Variants in HECW1 observed in about 807,000 individuals in gnomAD.
HECW1 encodes HECT, C2 and WW domain containing E3 ubiquitin protein ligase 1.
HECW1 carries 61 observed loss-of-function variants against 182.3 expected under a neutral mutation model. The observed-to-expected ratio is 0.33, with a 90% CI of 0.27 to 0.41. HECW1 has a LOEUF of 0.41. HECW1 is among the 10% of genes least tolerant of loss of function. HECW1 has a pLI of 1.00. For synonymous variants in HECW1, 859 were observed against 832.6 expected, an observed-to-expected ratio of 1.03 and a Z score of -0.55; for missense variants, 1,739 against 2,108.9, an observed-to-expected ratio of 0.82 and a Z score of 3.44.
At chr7:43,487,517 G>A (rs1379745378) in intron 17 of HECW1, among the ~76,000 whole-genome samples, 4 of 152,132 alleles carry the variant, frequency 2.6e-5, no homozygotes, top group East Asian at 3.8e-4. Context: ...CTCTCCCCTC[G>A]CTCACCCCTT....
intron 2 of HECW1, among the ~76,000 whole-genome samples, chr7:43,174,344 A>G (rs763783172): frequency 6.6e-6 from 1 of 152,192 alleles, no homozygotes; most frequent in Non-Finnish European, 1.5e-5. Flanking sequence ...GGTCATACAT[A>G]GTGGGTCTCA....
chr7:43,390,968 C>G (rs1264528267), intron 6 of HECW1, among the ~76,000 whole-genome samples: 1 of 151,882 alleles, frequency 6.6e-6, no homozygotes, highest in East Asian at 1.9e-4. Flanking sequence ...TAGAATTAAA[C>G]AAGTTTTATT....
chr7:43,542,057 TAACATA>T (rs1296338860), intron 26 of HECW1, 59 bp downstream of exon 26: 3 of 1,354,530 alleles, frequency 2.2e-6, no homozygotes, highest in Non-Finnish European at 2.9e-6. Context: ...AAAATGCACA[TAACATA>T]AAGTTATCAT....
At chr7:43,261,556 C>T (rs768554394) in intron 3 of HECW1, among the ~76,000 whole-genome samples, 41 of 152,258 alleles carry the variant, frequency 2.7e-4, no homozygotes, top group Non-Finnish European at 4.9e-4. Flanking sequence ...GGTACAGGAC[C>T]GGGCAGCTCT....
intron 4 of HECW1, among the ~76,000 whole-genome samples, chr7:43,314,715 A>G (rs921226474): frequency 6.6e-6 from 1 of 152,248 alleles, no homozygotes; most frequent in Non-Finnish European, 1.5e-5. Context: ...CAAAATGCCA[A>G]CACTTTCAAC....
At chr7:43,349,823 T>A (rs1814174895) in intron 5 of HECW1, among the ~76,000 whole-genome samples, 1 of 152,244 alleles carries the variant, frequency 6.6e-6, no homozygotes, top group Admixed American at 6.5e-5. Context: ...ATCTTTTAAG[T>A]GGGGAATTTA....
At chr7:43,219,876 C>T (rs1265660510) in intron 2 of HECW1, among the ~76,000 whole-genome samples, 1 of 152,124 alleles carries the variant, frequency 6.6e-6, no homozygotes, top group Non-Finnish European at 1.5e-5. Context: ...TGGTATCCTC[C>T]CTTACTACCA....
intron 16 of HECW1, among the ~76,000 whole-genome samples, chr7:43,478,504 T>G (rs1395959587): frequency 6.6e-6 from 1 of 152,202 alleles, no homozygotes; most frequent in Non-Finnish European, 1.5e-5. Context: ...CTAAAATTAA[T>G]TGTTATACTT....
intron 3 of HECW1, among the ~76,000 whole-genome samples, chr7:43,257,066 A>ATCAT (rs1003214302): frequency 1.3e-5 from 2 of 152,230 alleles, no homozygotes; most frequent in African/African-American, 4.8e-5. Flanking sequence ...CATCCTTTTC[A>ATCAT]TCATTCATTC....
At chr7:43,488,392 AAGGAAGGAAATG>A (rs1297297385) in intron 17 of HECW1, among the ~76,000 whole-genome samples, 1 of 71,376 alleles carries the variant, frequency 1.4e-5, no homozygotes, top group African/African-American at 5.3e-5. Context: ...GGAAGGAAGG[AAGGAAGGAAATG>A]AAAGAAAGAG....
chr7:43,311,123 C>T (rs1484021160), intron 3 of HECW1, among the ~76,000 whole-genome samples: 1 of 152,142 alleles, frequency 6.6e-6, no homozygotes, highest in Non-Finnish European at 1.5e-5. Context: ...ACATTGGCTC[C>T]AAGGGAGATA....
At chr7:43,155,392 A>C (rs1284970620) in intron 2 of HECW1, among the ~76,000 whole-genome samples, 1 of 152,222 alleles carries the variant, frequency 6.6e-6, no homozygotes, top group East Asian at 1.9e-4. Flanking sequence ...CTTTGGGGAC[A>C]AAAAAGGTTC....
At position 43,207,086 on chromosome 7, in the gene HECW1, G is replaced by A. The variant is rs565648977; in HGVS notation, c.-31-36789G>A. Reference sequence around the variant, plus strand: ...TTTTGAGGCAGAGTCTTGCTCTGTCGCCCAGGCTGGAGTCCAGTGGTGCGA... The same window carrying A: ...TTTTGAGGCAGAGTCTTGCTCTGTCACCCAGGCTGGAGTCCAGTGGTGCGA... On this transcript the variant is annotated intron_variant, in intron 2 of 29. Coordinates refer to ENST00000395891, the MANE Select transcript of HECW1 (RefSeq NM_015052.5). 7.2e-5 allele frequency among the ~76,000 whole-genome samples: 11 copies of A among 152,054 alleles called. No individual in the cohort carries two copies. The South Asian group carries it at 1.0e-3, about 14-fold the overall frequency.
chr7:43,123,841 C>T (rs1785896563), intron 2 of HECW1, among the ~76,000 whole-genome samples: 1 of 152,204 alleles, frequency 6.6e-6, no homozygotes, highest in Non-Finnish European at 1.5e-5. Flanking sequence ...CCAGGCCCTC[C>T]TCTCCAGAAG....
intron 19 of HECW1, among the ~76,000 whole-genome samples, chr7:43,500,164 G>A (rs977856482): frequency 2.1e-4 from 31 of 150,582 alleles, no homozygotes; most frequent in Non-Finnish European, 3.4e-4. Flanking sequence ...GCAGTGGCAC[G>A]ATCTCAGTTC....
chr7:43,428,154 A>C (rs528003693), intron 8 of HECW1, among the ~76,000 whole-genome samples: 1 of 152,320 alleles, frequency 6.6e-6, no homozygotes, highest in South Asian at 2.1e-4. Flanking sequence ...CCCACACCAG[A>C]TGAAAAGTTT....
chr7:43,342,696 A>G (rs1394706365), intron 5 of HECW1, among the ~76,000 whole-genome samples: 2 of 151,730 alleles, frequency 1.3e-5, no homozygotes, highest in African/African-American at 4.9e-5. Context: ...TGTAAATGAC[A>G]TATTAGCAGA....
intron 15 of HECW1, among the ~76,000 whole-genome samples, chr7:43,468,625 A>T (rs1358447217): frequency 2.0e-5 from 3 of 151,918 alleles, no homozygotes; most frequent in South Asian, 2.1e-4. Context: ...GACTCAGGTG[A>T]TCCTCCCACC....
chr7:43,260,465 A>T (rs537137424), intron 3 of HECW1, among the ~76,000 whole-genome samples: 1 of 152,358 alleles, frequency 6.6e-6, no homozygotes, highest in South Asian at 2.1e-4. Context: ...CACAATATGG[A>T]TTATTGTTTT....
Sources: gnomAD v4.1 joint callset for allele counts (sites outside exome capture counted in the v4.1 genomes callset) on GRCh38, gnomAD v4.1.1 for gene constraint, MANE v1.5 for transcripts, NCBI Gene and HGNC (gene_info 2026-07-23, HGNC 2026-07-21) for gene names.